HDAC3: variants seen among roughly 807,000 people sequenced by gnomAD.
The protein encoded by HDAC3 is histone deacetylase 3.
HDAC3 carries 21 observed loss-of-function variants against 62.3 expected under a neutral mutation model. The ratio of observed to expected loss-of-function variants is 0.34; its 90% CI spans 0.24 to 0.49. The LOEUF (loss-of-function observed/expected upper bound fraction) is 0.49, where lower values mean the gene tolerates loss of function less well. Ranked by LOEUF, HDAC3 falls within the 20% of genes least tolerant of loss-of-function variation. HDAC3 has a pLI of 0.99. For synonymous variants in HDAC3, 198 were observed against 206.5 expected (o/e 0.96, Z 0.35); for missense variants, 270 against 556.9 (o/e 0.48, Z 5.19).
Position 141,626,442 on chromosome 5 carries a change from T to C in HDAC3, c.831-159A>G, listed in dbSNP as rs1336408179. On this transcript the variant is annotated intron_variant, in intron 10 of 14. Coordinates refer to ENST00000305264, the MANE Select transcript of HDAC3 (RefSeq NM_003883.4). This position sits in a 1 kb window ranked among gnomAD's most constrained non-coding sequence, Gnocchi z 4.6. ...ATGTTATACCCTTAAGATTTGGGTA[T>C]ACTTTATATGCTGTGTCTCAATAAA... 1 of 644,222 alleles carries C rather than the reference T, an allele frequency of 1.6e-6. No homozygotes were observed. The highest frequency in any genetic ancestry group is 2.7e-5 in the East Asian group (1 of 36,450). 39.9% of individuals were successfully genotyped at this position (644,222 alleles called of 1,614,324 possible). A position where few individuals can be genotyped will look rare whatever the true frequency, so the allele number is the denominator to read the frequency against.
At position 141,629,893 on chromosome 5, in the gene HDAC3, CCA is replaced by C; in HGVS notation, c.385_386del (p.Trp129GlyfsTer11). The C allele has an allele frequency of 6.2e-7, 1 of 1,614,148 alleles. No homozygotes were observed. The highest frequency in any genetic ancestry group is 8.5e-7 in the Non-Finnish European group (1 of 1,180,034). On this transcript the variant is annotated frameshift_variant, in exon 5 of 15. Coordinates refer to ENST00000305264, the MANE Select transcript of HDAC3 (RefSeq NM_003883.4). LOFTEE classifies it high-confidence loss of function. This position sits in a 1 kb window ranked among gnomAD's most constrained non-coding sequence, Gnocchi z 5.3. ...TCTTGGCATGGTGCAGACCACCAGC[CCA>C]GTTAATGGCAATATCACAGATCTGA... ...NNKICDIAIN[W>X]AGGLHHAKKF...
rs759340236 is a variant in HDAC3, at chr5:141,626,233, C to G, written c.881G>C (p.Gly294Ala). ...ATTTCGGACAGTATAACCACCACCA[C>G]CCAGCACGAGTAGAGGGATATTGAA... ...KSFNIPLLVL[G>A]GGGYTVRNVA... The change falls in exon 11 of 15, where the codon GGT becomes GCT. Residue 294 changes from glycine to alanine, a missense_variant. Transcript: ENST00000305264. This position sits in a 1 kb window ranked among gnomAD's most constrained non-coding sequence, Gnocchi z 4.6. 6.2e-7 allele frequency: 1 copy of G among 1,614,144 alleles called. No homozygotes were observed. The highest frequency in any genetic ancestry group is 8.5e-7 in the Non-Finnish European group (1 of 1,180,020).
Position 141,636,794 on chromosome 5 carries a change from G to T in HDAC3, c.-4C>A, listed in dbSNP as rs377079585. The T allele has an allele frequency of 8.1e-6, 13 of 1,601,760 alleles. No homozygotes were observed. In the Admixed American group the frequency reaches 2.0e-4, roughly 25 times the overall value. On this transcript the variant is annotated 5_prime_UTR_variant, in exon 1 of 15. Coordinates refer to ENST00000305264, the MANE Select transcript of HDAC3 (RefSeq NM_003883.4). ...AATAGGCCACGGTCTTGGCCATGGT[G>T]CCGGCGGGAGCAGGCCCCGCACCTC...
chr5:141,630,170 G>C (rs773539985), intron 3 of HDAC3, 45 bp from the exon 4 acceptor site: 2 of 1,569,960 alleles, frequency 1.3e-6, no homozygotes, highest in Admixed American at 3.3e-5. Context: ...CCTCTGTCTG[G>C]GCCCTTCCCA....
rs748969625 is a variant in HDAC3 at position 141,625,897 on chromosome 5, T to C, written c.979+116A>G. 4.7e-6 allele frequency: 6 copies of C among 1,275,424 alleles called. No individual in the cohort carries two copies. Among genetic ancestry groups the C allele is most frequent in the Non-Finnish European group, 6.9e-6 (6 of 872,540 alleles). The allele number at this position is 1,275,424 out of a possible 1,614,324, so 79.0% of individuals were successfully genotyped here. ...CTCTTCCCTGCTCTGAGCCCAGGGG[T>C]TTAGTCTGCAGAGCTCTGAGAGTGT... On this transcript the variant is annotated intron_variant, in intron 12 of 14. Transcript: ENST00000305264. The surrounding 1 kb of genome is among the most constrained non-coding windows in gnomAD (Gnocchi z 4.0).
At position 141,628,521 on chromosome 5, in the gene HDAC3, AG is replaced by A; in HGVS notation, c.691+37del. On this transcript the variant is annotated intron_variant, in intron 8 of 14. Coordinates refer to ENST00000305264, the MANE Select transcript of HDAC3 (RefSeq NM_003883.4). This position sits in a 1 kb window ranked among gnomAD's most constrained non-coding sequence, Gnocchi z 4.7. Reference sequence around the variant, plus strand: ...AGAGGTTATTTCAAGGAGAAAAAGAAGGGGCCTAGGGAACAGAGGGAAGACT... The same window carrying A: ...AGAGGTTATTTCAAGGAGAAAAAGAAGGGCCTAGGGAACAGAGGGAAGACT... The A allele has an allele frequency of 6.6e-7, 1 of 1,517,240 alleles. No individual in the cohort carries two copies. The highest frequency in any genetic ancestry group is 9.2e-7 in the Non-Finnish European group (1 of 1,092,400). The allele number at this position is 1,517,240 out of a possible 1,614,324, so 94.0% of individuals were successfully genotyped here.
rs1250827938 is a variant in HDAC3, at chr5:141,625,992, G to T, written c.979+21C>A. On this transcript the variant is annotated intron_variant, in intron 12 of 14. Transcript: ENST00000305264. This position sits in a 1 kb window ranked among gnomAD's most constrained non-coding sequence, Gnocchi z 4.0. ...TGAGAATGGCCTTCCTGTTATGGGGGTGTTGTGGGGTGGTCCTTACCACTA... is the reference window on the plus strand; with the variant it reads ...TGAGAATGGCCTTCCTGTTATGGGGTTGTTGTGGGGTGGTCCTTACCACTA... The T allele has an allele frequency of 1.9e-6, 3 of 1,597,876 alleles. No individual in the cohort carries two copies. The highest frequency in any genetic ancestry group is 2.6e-6 in the Non-Finnish European group (3 of 1,165,280).
In HDAC3 at chr5:141,625,917, G is replaced by T; in HGVS notation, c.979+96C>A. The T allele has an allele frequency of 7.5e-7, 1 of 1,326,456 alleles. No homozygotes were observed. Among genetic ancestry groups the T allele is most frequent in the Non-Finnish European group, 1.1e-6 (1 of 917,962 alleles). The allele number at this position is 1,326,456 out of a possible 1,614,324, so 82.2% of individuals were successfully genotyped here. A position where few individuals can be genotyped will look rare whatever the true frequency, so the allele number is the denominator to read the frequency against. On this transcript the variant is annotated intron_variant, in intron 12 of 14. Transcript: ENST00000305264. The surrounding 1 kb of genome is among the most constrained non-coding windows in gnomAD (Gnocchi z 4.0). ...AGGGGTTTAGTCTGCAGAGCTCTGA[G>T]AGTGTAAAATTTCCCATGTGCCTTC...
chr5:141,625,515 C>A lies in HDAC3; in HGVS notation c.1060-150G>T. ...CCCAACTGATAGCTCTCCCTCCCCA[C>A]CAACCCCAACTGCCTCTACTTTAAA... is the stretch of plus-strand genomic sequence containing the variant. On this transcript the variant is annotated intron_variant, in intron 13 of 14. Transcript: ENST00000305264. The surrounding 1 kb of genome is among the most constrained non-coding windows in gnomAD (Gnocchi z 4.0). The A allele has an allele frequency of 9.1e-7, 1 of 1,095,352 alleles. No homozygotes were observed. Among genetic ancestry groups the A allele is most frequent in the South Asian group, 1.3e-5 (1 of 75,828 alleles). The allele number at this position is 1,095,352 out of a possible 1,614,324, so 67.9% of individuals were successfully genotyped here.
chr5:141,626,246 G>C lies in HDAC3; in HGVS notation c.868C>G (p.Leu290Val). The change falls in exon 11 of 15, where the codon CTA becomes GTA. Residue 290 changes from leucine (L) to valine (V), a missense_variant. Leu to Val is a conservative substitution (Grantham distance 32, BLOSUM62 1). Around this residue, in one of 5 missense-constraint regions of HDAC3, gnomAD observed 156 missense variants for 383.9 expected, o/e 0.41. Transcript: ENST00000305264. This position sits in a 1 kb window ranked among gnomAD's most constrained non-coding sequence, Gnocchi z 4.6. ...TAACCACCACCACCCAGCACGAGTA[G>C]AGGGATATTGAAGCTCTTGACATAT... ...VEYVKSFNIP[L>V]LVLGGGGYTV... is the part of the protein sequence containing the mutation. 1 of 1,614,162 alleles carries C rather than the reference G, an allele frequency of 6.2e-7. No homozygotes were observed. The highest frequency in any genetic ancestry group is 8.5e-7 in the Non-Finnish European group (1 of 1,180,024).
chr5:141,629,845 C>T lies in HDAC3; in HGVS notation c.420+15G>A. On this transcript the variant is annotated intron_variant, in intron 5 of 14. Coordinates refer to ENST00000305264, the MANE Select transcript of HDAC3 (RefSeq NM_003883.4). The surrounding 1 kb of genome is among the most constrained non-coding windows in gnomAD (Gnocchi z 5.3). ...CTAGGATGGCCACTGTCTTTCCCAT[C>T]ACCTCCTCACTCACCTCAAACTTCT... The T allele has an allele frequency of 1.2e-6, 2 of 1,614,114 alleles. No homozygotes were observed. The highest frequency in any genetic ancestry group is 3.3e-5 in the Admixed American group (2 of 60,026).
intron 2 of HDAC3, chr5:141,635,877 G>A (rs2099905901): frequency 6.6e-6 from 1 of 152,264 alleles, no homozygotes; most frequent in Non-Finnish European, 1.5e-5. Flanking sequence ...CAAAGTGCTG[G>A]GATTACAGGC....
chr5:141,630,570 C>T (rs1038971856), intron 3 of HDAC3, among the ~76,000 whole-genome samples: 3 of 152,156 alleles, frequency 2.0e-5, no homozygotes, highest in African/African-American at 7.2e-5. Context: ...AGATAACCCA[C>T]GAAAAGCCTG....
intron 3 of HDAC3, among the ~76,000 whole-genome samples, chr5:141,630,777 G>T (rs1449673412): frequency 6.6e-6 from 1 of 151,870 alleles, no homozygotes; most frequent in African/African-American, 2.4e-5. Context: ...GATCTAGGTT[G>T]CAGAGAAGTT....
At chr5:141,624,865 G>A (rs2099904239) in intron 14 of HDAC3, 1 of 199,026 alleles carries the variant, frequency 5.0e-6, no homozygotes, top group Admixed American at 5.6e-5. Flanking sequence ...CTGTAAATGA[G>A]TGTATATGTG....
intron 3 of HDAC3, among the ~76,000 whole-genome samples, chr5:141,632,739 A>G (rs1408801352): frequency 6.6e-6 from 1 of 152,204 alleles, no homozygotes; most frequent in Non-Finnish European, 1.5e-5. Context: ...GTGGTCAAGA[A>G]AGGTTTCATG....
Position 141,628,212 on chromosome 5 carries a change from C to T in HDAC3, c.692-25G>A, listed in dbSNP as rs763787232. 1.2e-6 allele frequency: 2 copies of T among 1,601,184 alleles called. No homozygotes were observed. The highest frequency in any genetic ancestry group is 1.7e-5 in the Admixed American group (1 of 59,982). ...CCTGGGAGAGGGCCAAAGATGGGCACCTGGCACCCCAAGGGGATGGGGAGA... is the reference window on the plus strand; with the variant it reads ...CCTGGGAGAGGGCCAAAGATGGGCATCTGGCACCCCAAGGGGATGGGGAGA... On this transcript the variant is annotated intron_variant, in intron 8 of 14. Transcript: ENST00000305264. This position sits in a 1 kb window ranked among gnomAD's most constrained non-coding sequence, Gnocchi z 4.7.
intron 2 of HDAC3, among the ~76,000 whole-genome samples, chr5:141,635,535 T>C (rs2099905842): frequency 6.6e-6 from 1 of 152,266 alleles, no homozygotes. Flanking sequence ...CATTTGTCTG[T>C]GCCTTGGCAC....
rs117975120 is a variant in HDAC3 at position 141,623,661 on chromosome 5, T to C, written c.1217+1547A>G. ...GGGGGATATCCTTGGAGGAAGAGAG[T>C]TGCAGAGATCCCCAAGAGTCAGAGC... On this transcript the variant is annotated intron_variant, in intron 14 of 14. Transcript: ENST00000305264. Among the ~76,000 whole-genome samples, 14 of 151,960 alleles carry C rather than the reference T, an allele frequency of 9.2e-5. No individual in the cohort carries two copies. The East Asian group carries it at 2.7e-3, about 29-fold the overall frequency.
Sources: allele counts gnomAD v4.1 joint callset (sites outside exome capture counted in the v4.1 genomes callset), GRCh38; gene constraint gnomAD v4.1.1; regional missense constraint gnomAD v4.1.1; non-coding constraint Gnocchi (gnomAD v3.1); transcripts MANE v1.5; gene names NCBI Gene and HGNC (gene_info 2026-07-23, HGNC 2026-07-21).